Variants in MICAL3 observed in about 807,000 individuals in gnomAD.
The protein encoded by MICAL3 is microtubule associated monooxygenase, calponin and LIM domain containing 3.
MICAL3 carries 62 observed loss-of-function variants against 207.4 expected under a neutral mutation model. The ratio of observed to expected loss-of-function variants is 0.30; its 90% CI spans 0.24 to 0.37. MICAL3 has a LOEUF of 0.37. MICAL3 is among the 10% of genes least tolerant of loss of function. The probability of loss-of-function intolerance (pLI) is 1.00; values close to 1 mark genes in which losing one functional copy is unlikely to be tolerated. For missense variants in MICAL3, 2,368 were observed against 2,635.6 expected, an observed-to-expected ratio of 0.90 and a Z score of 2.22; for synonymous variants, 1,077 against 1,069.3, an observed-to-expected ratio of 1.01 and a Z score of -0.14.
intron 19 of MICAL3, among the ~76,000 whole-genome samples, chr22:17,859,323 T>C (rs1459866093): frequency 6.6e-6 from 1 of 152,182 alleles, no homozygotes; most frequent in African/African-American, 2.4e-5. Context: ...GGCTCTTTCA[T>C]GTGAGAACAC....
chr22:17,818,469 G>A lies in MICAL3; in HGVS notation c.4192C>T (p.Pro1398Ser). 1.9e-6 allele frequency: 3 copies of A among 1,612,836 alleles called. No homozygotes were observed. The highest frequency in any genetic ancestry group is 2.5e-6 in the Non-Finnish European group (3 of 1,179,888). The change falls in exon 26 of 32, where the codon CCG becomes TCG. Residue 1398 changes from proline to serine, a missense_variant. By Grantham distance (74) the Pro-to-Ser change is moderately conservative. Transcript: ENST00000441493. ...GACCGGGGGGTTGGCAGGGACAACG[G>A]CTCGCCTTCCGGCTTTGGCAGGCCC... ...RLGLPKPEGE[P>S]LSLPTPRSPS... is the part of the protein sequence containing the mutation.
chr22:17,846,451 T>C (rs916607299), intron 19 of MICAL3, among the ~76,000 whole-genome samples: 31 of 151,996 alleles, frequency 2.0e-4, no homozygotes, highest in Non-Finnish European at 3.5e-4. Flanking sequence ...CTTGATTCTC[T>C]GTCCTGAGCA....
At chr22:17,856,797 A>AT (rs1045625528) in intron 19 of MICAL3, among the ~76,000 whole-genome samples, 1 of 151,382 alleles carries the variant, frequency 6.6e-6, no homozygotes, top group African/African-American at 2.4e-5. Context: ...AATTTTTTGT[A>AT]TTTTTAGTAG....
At chr22:17,880,802 C>G (rs907065475) in intron 16 of MICAL3, among the ~76,000 whole-genome samples, 4 of 152,198 alleles carry the variant, frequency 2.6e-5, no homozygotes, top group South Asian at 2.1e-4. Context: ...ACGAAACTCA[C>G]GTGGAGAAGC....
intron 1 of MICAL3, among the ~76,000 whole-genome samples, chr22:17,945,771 TGCCCAGAGA>T (rs1934038063): frequency 1.3e-5 from 2 of 152,080 alleles, no homozygotes; most frequent in South Asian, 4.2e-4. Flanking sequence ...GCTTCTCTTC[TGCCCAGAGA>T]GCAGAGAAAG....
intron 17 of MICAL3, among the ~76,000 whole-genome samples, chr22:17,868,675 C>A (rs909352467): frequency 1.3e-5 from 2 of 151,694 alleles, no homozygotes; most frequent in African/African-American, 4.9e-5. Context: ...ATTAAGGAAT[C>A]CTGATAACTG....
At chr22:17,979,446 GAGGC>G (rs1460876731) in intron 1 of MICAL3, among the ~76,000 whole-genome samples, 1 of 152,172 alleles carries the variant, frequency 6.6e-6, no homozygotes, top group Admixed American at 6.5e-5. Context: ...TCGGGAGTGT[GAGGC>G]AGGAGAATCA....
chr22:17,829,804 T>C (rs1289359554), intron 21 of MICAL3, among the ~76,000 whole-genome samples: 1 of 152,180 alleles, frequency 6.6e-6, no homozygotes, highest in Non-Finnish European at 1.5e-5. Flanking sequence ...ATATGCGGCA[T>C]AGATGGGGCC....
chr22:17,864,322 T>C (rs1318739474), intron 19 of MICAL3: 20 of 1,177,536 alleles, frequency 1.7e-5, no homozygotes, highest in Non-Finnish European at 2.1e-5. Context: ...ACAGGGCATG[T>C]CCCATCACGG....
At chr22:17,866,505 C>T (rs769874528) in intron 17 of MICAL3, among the ~76,000 whole-genome samples, 9 of 152,168 alleles carry the variant, frequency 5.9e-5, no homozygotes, top group Non-Finnish European at 1.0e-4. Flanking sequence ...ATCTCTCACC[C>T]CCTCCCAGTC....
intron 25 of MICAL3, among the ~76,000 whole-genome samples, chr22:17,819,926 G>T (rs1921366113): frequency 7.9e-6 from 1 of 126,540 alleles, no homozygotes; most frequent in Non-Finnish European, 1.6e-5. Flanking sequence ...CTGGGTGACA[G>T]TGAGAGACTC....
At chr22:17,921,263 T>C (rs1323439342) in intron 1 of MICAL3, among the ~76,000 whole-genome samples, 1 of 152,192 alleles carries the variant, frequency 6.6e-6, no homozygotes, top group Non-Finnish European at 1.5e-5. Context: ...GAATGACTAT[T>C]TTTCCCTTCC....
intron 1 of MICAL3, among the ~76,000 whole-genome samples, chr22:17,922,089 G>GA (rs1355903939): frequency 6.6e-6 from 1 of 151,702 alleles, no homozygotes; most frequent in Non-Finnish European, 1.5e-5. Flanking sequence ...TCACTAAAGC[G>GA]ACCCCGCCCA....
intron 28 of MICAL3, among the ~76,000 whole-genome samples, 154 bp downstream of exon 28, chr22:17,810,549 G>C (rs1342203531): frequency 6.6e-6 from 1 of 152,218 alleles, no homozygotes. Context: ...CTCTGTGGCT[G>C]CACCAGCCAA....
At chr22:17,798,726 T>G (rs999839787) in intron 29 of MICAL3, among the ~76,000 whole-genome samples, 8 of 141,368 alleles carry the variant, frequency 5.7e-5, no homozygotes, top group South Asian at 2.2e-4. Flanking sequence ...CAGGCTGGAG[T>G]GCAGTGGCGC....
intron 1 of MICAL3, among the ~76,000 whole-genome samples, chr22:17,976,585 ATATAT>A (rs1165887403): frequency 1.3e-4 from 11 of 83,576 alleles, no homozygotes; most frequent in African/African-American, 5.8e-4. Flanking sequence ...ATATATATAT[ATATAT>A]TTTTTTTTTT....
chr22:17,910,821 C>T (rs577971714), intron 1 of MICAL3, among the ~76,000 whole-genome samples: 30 of 152,290 alleles, frequency 2.0e-4, no homozygotes, highest in Non-Finnish European at 7.4e-5. Context: ...TTTCTGTTAC[C>T]GCCCCCATTT....
Position 17,822,937 on chromosome 22 carries a change from G to A in MICAL3, c.3307+10C>T, listed in dbSNP as rs558368921. 2.5e-5 allele frequency: 40 copies of A among 1,568,958 alleles called. No homozygotes were observed. Among genetic ancestry groups the A allele is most frequent in the Admixed American group, 1.5e-4 (9 of 59,622 alleles). ...CTCCCACCACAGGGGCGGGGAGGGC[G>A]GACCCCTACCATCATCCAGCTCAGC... is the stretch of plus-strand genomic sequence containing the variant. On this transcript the variant is annotated intron_variant, in intron 23 of 31. Coordinates refer to ENST00000441493, the MANE Select transcript of MICAL3 (RefSeq NM_015241.3).
intron 20 of MICAL3, among the ~76,000 whole-genome samples, chr22:17,838,954 G>GC (rs1452428724): frequency 8.0e-5 from 10 of 124,670 alleles, no homozygotes; most frequent in African/African-American, 2.5e-4. Flanking sequence ...TCCCCTAGAT[G>GC]CTTTTTTTTT....
Sources: gnomAD v4.1 joint callset for allele counts (sites outside exome capture counted in the v4.1 genomes callset) on GRCh38, gnomAD v4.1.1 for gene constraint, MANE v1.5 for transcripts, NCBI Gene and HGNC (gene_info 2026-07-23, HGNC 2026-07-21) for gene names.